CALCRL: variants seen among roughly 807,000 people sequenced by gnomAD.
CALCRL encodes calcitonin receptor like receptor.
In CALCRL, 27 loss-of-function variants were observed where a neutral mutation model predicts 60.4. The ratio of observed to expected loss-of-function variants is 0.45; its 90% confidence interval spans 0.33 to 0.62. The LOEUF (loss-of-function observed/expected upper bound fraction) is 0.62. CALCRL is among the 20% of genes least tolerant of loss of function. The probability of loss-of-function intolerance (pLI) is 0.03; values close to 1 mark genes in which losing one functional copy is unlikely to be tolerated. For missense variants in CALCRL, 424 were observed against 540.7 expected (o/e 0.78, Z 2.14); for synonymous variants, 190 against 182.6 (o/e 1.04, Z -0.33).
chr2:187,381,465 T>TA (rs1445508292), intron 5 of CALCRL, among the ~76,000 whole-genome samples: 2 of 141,528 alleles, frequency 1.4e-5, no homozygotes. Context: ...AGTAATTTTC[T>TA]TTTTTTTTTT....
chr2:187,366,104 G>T (rs1212047323), intron 8 of CALCRL, among the ~76,000 whole-genome samples: 1 of 150,734 alleles, frequency 6.6e-6, no homozygotes, highest in African/African-American at 2.4e-5. Flanking sequence ...TTAGCCGGGC[G>T]CGGTGGCGGG....
At chr2:187,380,266 A>T (rs1039188106) in intron 7 of CALCRL, among the ~76,000 whole-genome samples, 2 of 152,196 alleles carry the variant, frequency 1.3e-5, no homozygotes, top group Non-Finnish European at 2.9e-5. Context: ...ACCTAAAAGG[A>T]TTGCTTTTTC....
At chr2:187,425,745 T>G (rs753292685) in intron 1 of CALCRL, among the ~76,000 whole-genome samples, 1 of 151,978 alleles carries the variant, frequency 6.6e-6, no homozygotes, top group Admixed American at 6.6e-5. Flanking sequence ...TGCTTCAAGT[T>G]TTTCTGTTGA....
intron 1 of CALCRL, among the ~76,000 whole-genome samples, chr2:187,390,902 A>T (rs1236989926): frequency 6.6e-6 from 1 of 152,146 alleles, no homozygotes; most frequent in Admixed American, 6.6e-5. Context: ...CAATGACCAA[A>T]TCATTTGGTA....
At chr2:187,418,841 GT>G (rs914277940) in intron 1 of CALCRL, among the ~76,000 whole-genome samples, 6 of 137,624 alleles carry the variant, frequency 4.4e-5, no homozygotes, top group Non-Finnish European at 6.3e-5. Flanking sequence ...AGAAACTTGT[GT>G]TTTTTTTTCT....
Position 187,352,272 on chromosome 2 carries a change from G to C in CALCRL, c.970C>G (p.His324Asp). The change falls in exon 13 of 15, where the codon CAC becomes GAC. Residue 324 changes from histidine (H) to aspartate (D), a missense_variant. By Grantham distance (81) the His-to-Asp change is moderately conservative. This residue lies in a region of CALCRL where 222 missense variants were observed against 265.6 expected (regional missense o/e 0.84). Transcript: ENST00000392370. ...ATGTACAGATTGGATTCCGCTTGGT[G>C]TGTAACTTTTAACTTGGTGATGAGA... ...RVLITKLKVT[H>D]QAESNLYMKA... The C allele has an allele frequency of 1.2e-6, 2 of 1,612,200 alleles. No homozygotes were observed. The highest frequency in any genetic ancestry group is 1.7e-6 in the Non-Finnish European group (2 of 1,178,818).
At chr2:187,385,520 T>TA in intron 4 of CALCRL, 25 bp downstream of exon 4, 1 of 1,130,430 alleles carries the variant, frequency 8.8e-7, no homozygotes, top group Non-Finnish European at 1.3e-6. Flanking sequence ...ATAACAGACA[T>TA]AATCATATAT....
intron 12 of CALCRL, among the ~76,000 whole-genome samples, chr2:187,354,763 A>G (rs960933006): frequency 4.6e-5 from 7 of 151,980 alleles, no homozygotes; most frequent in African/African-American, 1.7e-4. Flanking sequence ...CCTGTATTTC[A>G]TCCTTACTCT....
At chr2:187,419,023 A>ATTTTTTTTTTT (rs33929530) in intron 1 of CALCRL, among the ~76,000 whole-genome samples, 5 of 85,982 alleles carry the variant, frequency 5.8e-5, no homozygotes, top group Non-Finnish European at 6.5e-5. Flanking sequence ...CGTCTGGCTA[A>ATTTTTTTTTTT]TTTTTTTTTT....
chr2:187,347,317 T>G (rs1253005808), intron 14 of CALCRL, among the ~76,000 whole-genome samples: 1 of 151,790 alleles, frequency 6.6e-6, no homozygotes, highest in Non-Finnish European at 1.5e-5. Flanking sequence ...GCTTTTAGGT[T>G]ATGAATGTGT....
intron 14 of CALCRL, among the ~76,000 whole-genome samples, chr2:187,347,547 T>C (rs1215140569): frequency 2.6e-5 from 4 of 151,846 alleles, no homozygotes; most frequent in African/African-American, 9.7e-5. Flanking sequence ...CTCTTCACTA[T>C]ATCCATGTAT....
At chr2:187,373,364 C>T (rs971245601) in intron 8 of CALCRL, among the ~76,000 whole-genome samples, 4 of 152,094 alleles carry the variant, frequency 2.6e-5, no homozygotes, top group Admixed American at 6.5e-5. Flanking sequence ...GTAAGCTACA[C>T]GGTATCTTCT....
chr2:187,412,089 G>T (rs1234690426), intron 1 of CALCRL, among the ~76,000 whole-genome samples: 1 of 151,948 alleles, frequency 6.6e-6, no homozygotes, highest in East Asian at 1.9e-4. Flanking sequence ...ACAGGGATCT[G>T]GGACAGTAAT....
intron 1 of CALCRL, among the ~76,000 whole-genome samples, chr2:187,403,734 A>C (rs1688995069): frequency 6.6e-6 from 1 of 151,890 alleles, no homozygotes; most frequent in Admixed American, 6.6e-5. Context: ...GAAATTAATA[A>C]GTGGAAACCT....
At chr2:187,358,215 G>A (rs967993327) in intron 12 of CALCRL, among the ~76,000 whole-genome samples, 2 of 151,812 alleles carry the variant, frequency 1.3e-5, no homozygotes, top group Admixed American at 6.6e-5. Flanking sequence ...AATTATCCAA[G>A]CATAGTAGTG....
chr2:187,422,630 C>T (rs1202701895), intron 1 of CALCRL, among the ~76,000 whole-genome samples: 1 of 151,858 alleles, frequency 6.6e-6, no homozygotes, highest in African/African-American at 2.4e-5. Flanking sequence ...ATTTGAAGTT[C>T]AACACATAAG....
intron 1 of CALCRL, among the ~76,000 whole-genome samples, chr2:187,418,327 A>G (rs1689708475): frequency 6.6e-6 from 1 of 152,212 alleles, no homozygotes; most frequent in Non-Finnish European, 1.5e-5. Flanking sequence ...TTTTATAAAA[A>G]TAGAGCGTTC....
At chr2:187,404,173 G>A (rs561811191) in intron 1 of CALCRL, among the ~76,000 whole-genome samples, 4 of 151,848 alleles carry the variant, frequency 2.6e-5, no homozygotes, top group South Asian at 2.1e-4. Context: ...AAAATGCCCC[G>A]TCATGCTTGA....
At chr2:187,407,407 A>C (rs1689184129) in intron 1 of CALCRL, among the ~76,000 whole-genome samples, 1 of 152,074 alleles carries the variant, frequency 6.6e-6, no homozygotes, top group African/African-American at 2.4e-5. Context: ...AAGCACTTGA[A>C]CTACTCAAAG....
Sources: gnomAD v4.1 joint callset for allele counts (sites outside exome capture counted in the v4.1 genomes callset) on GRCh38, gnomAD v4.1.1 for gene constraint, gnomAD v4.1.1 regional missense constraint, MANE v1.5 for transcripts, NCBI Gene and HGNC (gene_info 2026-07-23, HGNC 2026-07-21) for gene names.